The following ADAMTSL3 variants were observed in gnomAD, a reference collection of about 807,000 sequenced individuals.
ADAMTSL3 encodes the protein ADAMTS like 3, also known as ADAMTS-like protein 3.
ADAMTSL3 carries 128 observed loss-of-function variants against 201.7 expected under a neutral mutation model. That is an observed-to-expected ratio of 0.63 (90% CI 0.55 to 0.73). The LOEUF is 0.73. ADAMTSL3 is among the 30% of genes least tolerant of loss of function. The pLI is 0.00. For synonymous variants in ADAMTSL3, 738 were observed against 748.4 expected, an observed-to-expected ratio of 0.99 and a Z score of 0.23; for missense variants, 1,990 against 2,119.6, an observed-to-expected ratio of 0.94 and a Z score of 1.20.
rs182190746 is a variant in ADAMTSL3 at position 83,874,159 on chromosome 15, G to A, written c.960+3200G>A. 5.7e-5 allele frequency among the ~76,000 whole-genome samples: 8 copies of A among 139,800 alleles called. 1 individual carries two copies. In the East Asian group the frequency reaches 1.6e-3, roughly 28 times the overall value. 91.7% of individuals were successfully genotyped at this position (139,800 alleles called of 152,430 possible). ...TGGAAAGCCTTCTCCCTCTCCTGGC[G>A]CCAGGACAAAGGAAGCGGGCAGCGA... On this transcript the variant is annotated intron_variant, in intron 9 of 29. Transcript: ENST00000286744.
chr15:84,011,325 G>A (rs575339341), intron 23 of ADAMTSL3, among the ~76,000 whole-genome samples: 4 of 152,262 alleles, frequency 2.6e-5, no homozygotes, highest in African/African-American at 9.6e-5. Context: ...GCTTAAGAAA[G>A]AAACATTAGT....
At chr15:83,784,713 A>G (rs1056836507) in intron 4 of ADAMTSL3, among the ~76,000 whole-genome samples, 1 of 152,138 alleles carries the variant, frequency 6.6e-6, no homozygotes, top group Non-Finnish European at 1.5e-5. Flanking sequence ...TAAAAACCAC[A>G]TTTTAATAAT....
chr15:83,752,619 T>G (rs1177850436), intron 3 of ADAMTSL3, among the ~76,000 whole-genome samples: 3 of 152,220 alleles, frequency 2.0e-5, no homozygotes, highest in Admixed American at 6.5e-5. Flanking sequence ...TTTCTGTAAT[T>G]ATGGAAATTT....
At chr15:83,715,574 G>A (rs1419197025) in intron 3 of ADAMTSL3, among the ~76,000 whole-genome samples, 1 of 152,128 alleles carries the variant, frequency 6.6e-6, no homozygotes, top group Non-Finnish European at 1.5e-5. Context: ...AGCCCCTAGG[G>A]GCAGGGACTA....
rs1199796072 is a variant in ADAMTSL3 at position 83,991,310 on chromosome 15, C to T, written c.3973+96C>T. ...AAACACCAGCTGGCATTTTGGTATTCGAGACCTCAGCCTGATAGGCTTAAA... is the reference window on the plus strand; with the variant it reads ...AAACACCAGCTGGCATTTTGGTATTTGAGACCTCAGCCTGATAGGCTTAAA... On this transcript the variant is annotated intron_variant, in intron 23 of 29. Coordinates refer to ENST00000286744, the MANE Select transcript of ADAMTSL3 (RefSeq NM_207517.3). The T allele has an allele frequency of 1.7e-5, 27 of 1,567,196 alleles. No homozygotes were observed. In the East Asian group the frequency reaches 2.3e-4, roughly 13 times the overall value.
At chr15:83,689,120 G>A (rs2061579206) in intron 2 of ADAMTSL3, among the ~76,000 whole-genome samples, 1 of 152,142 alleles carries the variant, frequency 6.6e-6, no homozygotes, top group Non-Finnish European at 1.5e-5. Context: ...ACTGCACCTG[G>A]CCTAAAACTT....
At position 83,892,904 on chromosome 15, in the gene ADAMTSL3, A is replaced by C. The variant is rs547721143; in HGVS notation, c.1467+16A>C. On this transcript the variant is annotated intron_variant, in intron 13 of 29. Coordinates refer to ENST00000286744, the MANE Select transcript of ADAMTSL3 (RefSeq NM_207517.3). ...GTGGTCTCAGGTAAGATTTGAGAAT[A>C]TGCCACTTTTAATTAATTCTCATAT... 16 of 1,603,272 alleles carry C rather than the reference A, an allele frequency of 1.0e-5. No individual in the cohort carries two copies. The highest frequency in any genetic ancestry group is 1.3e-5 in the Non-Finnish European group (15 of 1,170,764).
intron 3 of ADAMTSL3, among the ~76,000 whole-genome samples, chr15:83,714,769 T>C (rs201970541): frequency 1.8e-5 from 2 of 113,840 alleles, no homozygotes; most frequent in East Asian, 4.4e-4. Flanking sequence ...TTCTCTTTCT[T>C]TCTTTCTTTC....
intron 8 of ADAMTSL3, among the ~76,000 whole-genome samples, chr15:83,868,168 A>G (rs1175326878): frequency 6.6e-6 from 1 of 152,028 alleles, no homozygotes; most frequent in Non-Finnish European, 1.5e-5. Context: ...CTACACACTA[A>G]CCACCTTGCT....
intron 17 of ADAMTSL3, among the ~76,000 whole-genome samples, chr15:83,940,109 G>A (rs186782256): frequency 6.6e-6 from 1 of 151,886 alleles, no homozygotes; most frequent in East Asian, 1.9e-4. Context: ...TCTAATCATG[G>A]CTTTAGCTAA....
At chr15:83,831,143 T>G (rs1484446785) in intron 6 of ADAMTSL3, among the ~76,000 whole-genome samples, 2 of 152,168 alleles carry the variant, frequency 1.3e-5, no homozygotes, top group Non-Finnish European at 2.9e-5. Flanking sequence ...GCACCTTACC[T>G]CCTCTTGTCT....
chr15:83,690,995 G>A (rs923729696), intron 2 of ADAMTSL3, among the ~76,000 whole-genome samples: 25 of 152,136 alleles, frequency 1.6e-4, no homozygotes, highest in African/African-American at 6.0e-4. Context: ...GTTCAATGTT[G>A]ATTCTTTTAT....
At chr15:84,035,728 G>T (rs1336740345) in intron 28 of ADAMTSL3, among the ~76,000 whole-genome samples, 1 of 152,142 alleles carries the variant, frequency 6.6e-6, no homozygotes, top group Non-Finnish European at 1.5e-5. Flanking sequence ...CCTTTAATGG[G>T]ATAACAAAAA....
At chr15:83,836,252 A>T (rs1395747512) in intron 6 of ADAMTSL3, among the ~76,000 whole-genome samples, 1 of 152,210 alleles carries the variant, frequency 6.6e-6, no homozygotes, top group Admixed American at 6.5e-5. Flanking sequence ...AATACTTATT[A>T]TTAGATAACT....
chr15:83,943,195 T>A, intron 19 of ADAMTSL3, 113 bp downstream of exon 19: 1 of 1,245,888 alleles, frequency 8.0e-7, no homozygotes, highest in Non-Finnish European at 1.1e-6. Context: ...GTATGGGTCC[T>A]AGGGGGCCAC....
At chr15:83,734,705 A>C (rs1471465782) in intron 3 of ADAMTSL3, among the ~76,000 whole-genome samples, 2 of 152,168 alleles carry the variant, frequency 1.3e-5, no homozygotes, top group African/African-American at 4.8e-5. Flanking sequence ...TCCAAACCAT[A>C]AACCATCGTG....
At chr15:83,775,146 A>AG (rs2063050136) in intron 4 of ADAMTSL3, among the ~76,000 whole-genome samples, 2 of 152,138 alleles carry the variant, frequency 1.3e-5, no homozygotes, top group South Asian at 4.1e-4. Flanking sequence ...ATGCCCAGCC[A>AG]GGGGGCTTCT....
intron 19 of ADAMTSL3, among the ~76,000 whole-genome samples, chr15:83,964,162 A>T (rs1426930209): frequency 6.6e-6 from 1 of 152,218 alleles, no homozygotes; most frequent in Non-Finnish European, 1.5e-5. Flanking sequence ...ACAAAACTGG[A>T]CAGAGAAGGA....
At chr15:83,941,320 T>C (rs756047818) in intron 17 of ADAMTSL3, among the ~76,000 whole-genome samples, 55 of 152,108 alleles carry the variant, frequency 3.6e-4, no homozygotes, top group African/African-American at 1.1e-3. Context: ...CTGAGAATCA[T>C]TTTTAGATTA....
Sources: allele counts gnomAD v4.1 joint callset (sites outside exome capture counted in the v4.1 genomes callset), GRCh38; gene constraint gnomAD v4.1.1; transcripts MANE v1.5; gene names NCBI Gene and HGNC (gene_info 2026-07-23, HGNC 2026-07-21).